Variants in SLC44A5 observed in about 807,000 individuals in gnomAD.
SLC44A5 encodes the protein solute carrier family 44 member 5.
A neutral mutation model predicts 101.8 loss-of-function variants in SLC44A5; 57 were observed. The ratio of observed to expected loss-of-function variants is 0.56; its 90% confidence interval spans 0.45 to 0.70. SLC44A5 has a LOEUF of 0.70. Ranked by LOEUF, SLC44A5 falls within the 30% of genes least tolerant of loss-of-function variation. SLC44A5 has a pLI of 0.00. For synonymous variants in SLC44A5, 281 were observed against 290.9 expected, an observed-to-expected ratio of 0.97 and a Z score of 0.35; for missense variants, 737 against 853.1, an observed-to-expected ratio of 0.86 and a Z score of 1.70.
chr1:75,394,723 GT>G (rs1662018566), intron 3 of SLC44A5, among the ~76,000 whole-genome samples: 1 of 152,084 alleles, frequency 6.6e-6, no homozygotes, highest in Non-Finnish European at 1.5e-5. Context: ...TGTTAGCACA[GT>G]TAAGCTTTCT....
chr1:75,419,534 AG>A (rs1663875249), intron 2 of SLC44A5, among the ~76,000 whole-genome samples: 1 of 152,094 alleles, frequency 6.6e-6, no homozygotes, highest in South Asian at 2.1e-4. Flanking sequence ...TCAAAAATGA[AG>A]ATGAAATAAA....
chr1:75,603,957 T>C (rs1189853557), intron 1 of SLC44A5, among the ~76,000 whole-genome samples: 2 of 152,056 alleles, frequency 1.3e-5, no homozygotes, highest in East Asian at 1.9e-4. Context: ...TCTCCCACTC[T>C]GTAGGTTGTC....
chr1:75,513,316 G>T (rs1270177181), intron 2 of SLC44A5, among the ~76,000 whole-genome samples: 1 of 152,156 alleles, frequency 6.6e-6, no homozygotes, highest in African/African-American at 2.4e-5. Context: ...TTTAATGGAG[G>T]AATCATGTTT....
rs1426996978 is a variant in SLC44A5 at position 75,378,099 on chromosome 1, C to T, written c.52+18484G>A. Among the ~76,000 whole-genome samples, 3 of 81,470 alleles carry T rather than the reference C, an allele frequency of 3.7e-5. 1 individual carries two copies. The highest frequency in any genetic ancestry group is 6.0e-3 in the East Asian group (2 of 336). The allele number at this position is 81,470 out of a possible 152,430, so 53.4% of individuals were successfully genotyped here. A position where few individuals can be genotyped will look rare whatever the true frequency, so the allele number is the denominator to read the frequency against. ...CTTTTCTCTAGGGTGAAGGTACGCT[C>T]GAGCGTGGTCATTGAGGACAAGTCG... On this transcript the variant is annotated intron_variant, in intron 3 of 23. Transcript: ENST00000370859.
At chr1:75,509,134 C>T (rs6658825) in intron 2 of SLC44A5, among the ~76,000 whole-genome samples, 46,124 of 152,098 alleles carry the variant, frequency 0.3, 7,647 homozygotes, top group Non-Finnish European at 0.37. Context: ...CCATGCCCCA[C>T]ACCTCGTGCT....
rs188371327 is a variant in SLC44A5, at chr1:75,206,937, C to A, written c.2048-3104G>T. ...TGAAACTTCCTAAATCCCTCCCACT[C>A]CCAGAGAGATGTATTTTGATACTTT... is the stretch of plus-strand genomic sequence containing the variant. On this transcript the variant is annotated intron_variant, in intron 23 of 23. Coordinates refer to ENST00000370859, the MANE Select transcript of SLC44A5 (RefSeq NM_001130058.2). 1.8e-4 allele frequency among the ~76,000 whole-genome samples: 27 copies of A among 152,188 alleles called. No individual in the cohort carries two copies. In the East Asian group the frequency reaches 5.2e-3, roughly 29 times the overall value.
intron 23 of SLC44A5, among the ~76,000 whole-genome samples, chr1:75,209,498 T>C (rs559061025): frequency 6.6e-6 from 1 of 152,306 alleles, no homozygotes; most frequent in East Asian, 1.9e-4. Context: ...TTTGTTCATG[T>C]GATATTTTGT....
intron 2 of SLC44A5, among the ~76,000 whole-genome samples, chr1:75,448,953 T>C (rs921231047): frequency 2.0e-5 from 3 of 152,102 alleles, no homozygotes; most frequent in Non-Finnish European, 4.4e-5. Flanking sequence ...AGTACTGCAA[T>C]CACATTTGCC....
intron 3 of SLC44A5, among the ~76,000 whole-genome samples, chr1:75,392,963 G>A (rs565680667): frequency 4.3e-4 from 65 of 152,208 alleles, no homozygotes; most frequent in African/African-American, 1.4e-3. Flanking sequence ...GGTACATACA[G>A]ACATAAACAT....
At chr1:75,402,021 G>A (rs1001939378) in intron 2 of SLC44A5, among the ~76,000 whole-genome samples, 9 of 152,156 alleles carry the variant, frequency 5.9e-5, no homozygotes, top group Non-Finnish European at 7.3e-5. Flanking sequence ...CTCACCAAGA[G>A]TGAAGAAAGT....
chr1:75,571,822 G>C (rs917773137), intron 1 of SLC44A5, among the ~76,000 whole-genome samples: 17 of 152,066 alleles, frequency 1.1e-4, no homozygotes, highest in African/African-American at 4.1e-4. Flanking sequence ...AGAGAAAATA[G>C]TAAATAAGTA....
At chr1:75,574,995 C>T (rs924629577) in intron 1 of SLC44A5, among the ~76,000 whole-genome samples, 1 of 152,068 alleles carries the variant, frequency 6.6e-6, no homozygotes, top group Non-Finnish European at 1.5e-5. Context: ...CTCTGGAAAT[C>T]AAGGTCCAGT....
intron 5 of SLC44A5, among the ~76,000 whole-genome samples, chr1:75,289,967 C>T (rs563823716): frequency 1.3e-3 from 203 of 152,300 alleles, no homozygotes; most frequent in African/African-American, 4.6e-3. Context: ...GTTTGTCTCA[C>T]GTAGCTGCTT....
chr1:75,604,051 T>C (rs72981009), intron 1 of SLC44A5, among the ~76,000 whole-genome samples: 1 of 152,012 alleles, frequency 6.6e-6, no homozygotes, highest in Non-Finnish European at 1.5e-5. Flanking sequence ...GCTTTTGTTG[T>C]CATTGCTTTT....
chr1:75,637,434 A>G, the SLC44A5 span, among the ~76,000 whole-genome samples: 1 of 152,060 alleles, frequency 6.6e-6, no homozygotes, highest in South Asian at 2.1e-4. Flanking sequence ...TTGCACTTAC[A>G]TTAAGTATCT....
chr1:75,258,492 G>A (rs1650208519), intron 6 of SLC44A5, among the ~76,000 whole-genome samples: 1 of 152,064 alleles, frequency 6.6e-6, no homozygotes, highest in African/African-American at 2.4e-5. Context: ...TCCTCTCTGG[G>A]CAGGGCATCT....
chr1:75,528,089 CTATT>C (rs1670519384), intron 2 of SLC44A5, among the ~76,000 whole-genome samples: 1 of 151,974 alleles, frequency 6.6e-6, no homozygotes, highest in South Asian at 2.1e-4. Context: ...TCTGGGAACA[CTATT>C]TATCTTTAAG....
intron 2 of SLC44A5, among the ~76,000 whole-genome samples, chr1:75,502,888 T>A (rs1182345301): frequency 3.3e-5 from 5 of 152,134 alleles, no homozygotes; most frequent in Admixed American, 3.3e-4. Flanking sequence ...GAGTGGGGGC[T>A]CCGCCTTGCT....
chr1:75,700,403 A>G, the SLC44A5 span, among the ~76,000 whole-genome samples: 39,597 of 151,846 alleles, frequency 0.26, 6,413 homozygotes, highest in East Asian at 0.68. Flanking sequence ...CTCCTGAATG[A>G]CTACTGGGTA....
Sources: gnomAD v4.1 joint callset for allele counts (sites outside exome capture counted in the v4.1 genomes callset) on GRCh38, gnomAD v4.1.1 for gene constraint, MANE v1.5 for transcripts, NCBI Gene and HGNC (gene_info 2026-07-23, HGNC 2026-07-21) for gene names.